The following RBFOX1 variants were observed in gnomAD, a reference collection of about 807,000 sequenced individuals.
RBFOX1 encodes RNA binding fox-1 homolog 1.
Under a neutral mutation model 57.7 loss-of-function variants are expected in RBFOX1, and 8 were observed. The ratio of observed to expected loss-of-function variants is 0.14; its 90% CI spans 0.08 to 0.25. RBFOX1 has a LOEUF of 0.25. RBFOX1 is among the 10% of genes least tolerant of loss of function. The pLI is 1.00. For synonymous variants in RBFOX1, 326 were observed against 222.4 expected (o/e 1.47, Z -4.15); for missense variants, 611 against 548.5 (o/e 1.11, Z -1.14).
intron 4 of RBFOX1, among the ~76,000 whole-genome samples, chr16:7,467,502 G>A (rs529727662): frequency 1.3e-5 from 2 of 152,322 alleles, no homozygotes; most frequent in African/African-American, 4.8e-5. Flanking sequence ...GTTAGAGAGG[G>A]CAGTATAATA....
intron 3 of RBFOX1, among the ~76,000 whole-genome samples, chr16:5,820,206 C>G (rs1422076276): frequency 6.6e-5 from 10 of 152,216 alleles, no homozygotes; most frequent in Non-Finnish European, 1.5e-5. Flanking sequence ...TGCCCCTGGT[C>G]CATACTCACC....
intron 4 of RBFOX1, among the ~76,000 whole-genome samples, chr16:7,360,729 A>G (rs1440468780): frequency 2.6e-5 from 4 of 152,172 alleles, no homozygotes; most frequent in African/African-American, 7.2e-5. Context: ...CACACAGCCA[A>G]TGTCCCACAC....
intron 4 of RBFOX1, among the ~76,000 whole-genome samples, chr16:7,404,281 G>A (rs2098297374): frequency 6.6e-6 from 1 of 151,948 alleles, no homozygotes. Flanking sequence ...TCTAACTCCT[G>A]ACCTCAGGTG....
intron 2 of RBFOX1, among the ~76,000 whole-genome samples, chr16:6,412,131 TAAA>T (rs57126566): frequency 1.5e-5 from 2 of 133,690 alleles, no homozygotes; most frequent in Admixed American, 7.6e-5. Flanking sequence ...AGACTCCATG[TAAA>T]AAAAAAAAAA....
chr16:6,853,422 C>G (rs1400341273), intron 3 of RBFOX1, among the ~76,000 whole-genome samples: 2 of 152,006 alleles, frequency 1.3e-5, no homozygotes, highest in African/African-American at 4.8e-5. Flanking sequence ...AGTGCCTGCC[C>G]CCAGCCATTG....
At chr16:5,376,528 G>A (rs534896938) in intron 1 of RBFOX1, among the ~76,000 whole-genome samples, 88 of 152,136 alleles carry the variant, frequency 5.8e-4, no homozygotes, top group Non-Finnish European at 1.1e-3. Context: ...TGGGAGAGTC[G>A]GGAAAGGCAG....
chr16:7,576,616 A>G (rs987292669), intron 5 of RBFOX1, among the ~76,000 whole-genome samples: 7 of 152,018 alleles, frequency 4.6e-5, no homozygotes, highest in Non-Finnish European at 8.8e-5. Flanking sequence ...TGTTTTTATC[A>G]AAGGAAACAA....
At chr16:5,409,784 T>C (rs2066965613) in intron 1 of RBFOX1, among the ~76,000 whole-genome samples, 1 of 152,090 alleles carries the variant, frequency 6.6e-6, no homozygotes, top group Non-Finnish European at 1.5e-5. Flanking sequence ...TGGTGGTGGC[T>C]CACACCGGTA....
chr16:7,452,304 C>A (rs1443420607), intron 4 of RBFOX1, among the ~76,000 whole-genome samples: 1 of 152,186 alleles, frequency 6.6e-6, no homozygotes, highest in Non-Finnish European at 1.5e-5. Flanking sequence ...AAAAATACAT[C>A]ATTGGAGAAT....
intron 4 of RBFOX1, among the ~76,000 whole-genome samples, chr16:7,147,551 C>T (rs368484623): frequency 6.6e-6 from 1 of 152,120 alleles, no homozygotes; most frequent in Admixed American, 6.6e-5. Flanking sequence ...CTCCCACTTA[C>T]AAGTGAGAAT....
chr16:7,035,915 G>C (rs2044267143), intron 3 of RBFOX1, among the ~76,000 whole-genome samples: 1 of 152,120 alleles, frequency 6.6e-6, no homozygotes, highest in Non-Finnish European at 1.5e-5. Context: ...CAGAGCAACA[G>C]TCACCACCAC....
chr16:5,829,378 A>G (rs1316557197), intron 3 of RBFOX1, among the ~76,000 whole-genome samples: 1 of 152,228 alleles, frequency 6.6e-6, no homozygotes, highest in Non-Finnish European at 1.5e-5. Flanking sequence ...AATGGATTGA[A>G]GAGGCACAGT....
intron 1 of RBFOX1, among the ~76,000 whole-genome samples, chr16:6,213,612 C>T (rs1413863689): frequency 1.3e-5 from 2 of 152,024 alleles, no homozygotes; most frequent in African/African-American, 4.8e-5. Context: ...GTATTTAAGC[C>T]GTGTATGAAC....
chr16:6,475,420 T>C (rs1010869682), intron 2 of RBFOX1, among the ~76,000 whole-genome samples: 1 of 152,168 alleles, frequency 6.6e-6, no homozygotes, highest in African/African-American at 2.4e-5. Flanking sequence ...GGAATGAGGG[T>C]CATTCACCTG....
At chr16:6,940,851 C>CTGTGTG (rs1009221597) in intron 3 of RBFOX1, among the ~76,000 whole-genome samples, 2 of 126,894 alleles carry the variant, frequency 1.6e-5, no homozygotes, top group Non-Finnish European at 3.4e-5. Flanking sequence ...TCCGGCTAGT[C>CTGTGTG]TGTGTGTGTG....
chr16:6,840,982 A>G (rs1410067595), intron 3 of RBFOX1, among the ~76,000 whole-genome samples: 1 of 152,032 alleles, frequency 6.6e-6, no homozygotes, highest in Non-Finnish European at 1.5e-5. Flanking sequence ...GGAGGTGGAC[A>G]CTCACCAGAC....
chr16:5,266,547 A>G (rs1304337667), intron 1 of RBFOX1, among the ~76,000 whole-genome samples: 7 of 30,816 alleles, frequency 2.3e-4, no homozygotes, highest in Non-Finnish European at 2.3e-4. Flanking sequence ...GGAAATGTTC[A>G]GTTTTTTTTT....
At chr16:6,731,427 C>G (rs1023248138) in intron 3 of RBFOX1, among the ~76,000 whole-genome samples, 1 of 152,186 alleles carries the variant, frequency 6.6e-6, no homozygotes, top group African/African-American at 2.4e-5. Context: ...CATACTGCTA[C>G]TCTCTGTCCT....
At position 7,709,801 on chromosome 16, in the gene RBFOX1, C is replaced by T. The variant is rs943340237; in HGVS notation, c.1071+670C>T. 11 of 1,259,250 alleles carry T rather than the reference C, an allele frequency of 8.7e-6. No individual in the cohort carries two copies. In the African/African-American group the frequency reaches 1.4e-4, roughly 16 times the overall value. The allele number at this position is 1,259,250 out of a possible 1,614,324, so 78.0% of individuals were successfully genotyped here. On this transcript the variant is annotated intron_variant, in intron 15 of 15. Transcript: ENST00000550418. ...GGAGGTAAGGGTGGGGTGAACTTGC[C>T]TGTACTTGTTCAAACTTCTATGCAC...
Sources: allele counts gnomAD v4.1 joint callset (sites outside exome capture counted in the v4.1 genomes callset), GRCh38; gene constraint gnomAD v4.1.1; transcripts MANE v1.5; gene names NCBI Gene and HGNC (gene_info 2026-07-23, HGNC 2026-07-21).